Variants in SRSF4 observed in about 807,000 individuals in gnomAD.
SRSF4 encodes the protein serine and arginine rich splicing factor 4.
Under a neutral mutation model 48.8 loss-of-function variants are expected in SRSF4, and 12 were observed. The ratio of observed to expected loss-of-function variants is 0.25; its 90% CI spans 0.16 to 0.40. The LOEUF is 0.40. Ranked by LOEUF, SRSF4 falls within the 10% of genes least tolerant of loss-of-function variation. SRSF4 has a pLI of 1.00. For missense variants in SRSF4, 466 were observed against 667.1 expected, an observed-to-expected ratio of 0.70 and a Z score of 3.32; for synonymous variants, 248 against 232.5, an observed-to-expected ratio of 1.07 and a Z score of -0.61.
chr1:29,164,385 A>G (rs1319868138), intron 1 of SRSF4, among the ~76,000 whole-genome samples: 1 of 152,154 alleles, frequency 6.6e-6, no homozygotes, highest in Non-Finnish European at 1.5e-5. Context: ...CAAGCTTAAC[A>G]CTCCCTTTGT....
At chr1:29,150,808 G>A (rs1461741722) in intron 4 of SRSF4, among the ~76,000 whole-genome samples, 1 of 152,002 alleles carries the variant, frequency 6.6e-6, no homozygotes, top group Non-Finnish European at 1.5e-5. Context: ...TGACTCCCCC[G>A]TCTTTCCCCT....
At chr1:29,179,848 C>G (rs1672927250) in intron 1 of SRSF4, among the ~76,000 whole-genome samples, 1 of 152,166 alleles carries the variant, frequency 6.6e-6, no homozygotes, top group African/African-American at 2.4e-5. Flanking sequence ...CCTCCTCCCC[C>G]AATTCATTTA....
intron 1 of SRSF4, among the ~76,000 whole-genome samples, chr1:29,175,617 C>T (rs1424598069): frequency 2.9e-5 from 4 of 137,374 alleles, no homozygotes; most frequent in Admixed American, 1.6e-4. Flanking sequence ...ATGGCGTGAA[C>T]CCAGGAGGCG....
chr1:29,159,884 CT>C (rs1672566578), intron 2 of SRSF4: 1 of 181,454 alleles, frequency 5.5e-6, no homozygotes, highest in Non-Finnish European at 1.2e-5. Flanking sequence ...TTAATCTCAT[CT>C]GTGTCTAACC....
At chr1:29,178,302 TCTTCAAAGAC>T (rs1046037653) in intron 1 of SRSF4, among the ~76,000 whole-genome samples, 1 of 151,804 alleles carries the variant, frequency 6.6e-6, no homozygotes, top group Non-Finnish European at 1.5e-5. Flanking sequence ...CTCCAGCAAT[TCTTCAAAGAC>T]CTATCTAAAG....
chr1:29,168,377 CA>C (rs1360781198), intron 1 of SRSF4: 2 of 152,106 alleles, frequency 1.3e-5, no homozygotes, highest in African/African-American at 4.8e-5. Flanking sequence ...GTCCTGTGTA[CA>C]ATCTTTTTTC....
chr1:29,179,490 G>A (rs1379196602), intron 1 of SRSF4, among the ~76,000 whole-genome samples: 2 of 152,060 alleles, frequency 1.3e-5, no homozygotes, highest in Non-Finnish European at 2.9e-5. Context: ...CTCTGAAGTA[G>A]CTAGGACTAT....
At position 29,148,438 on chromosome 1, in the gene SRSF4, G is replaced by A. The variant is rs763190651; in HGVS notation, c.1457C>T (p.Ser486Phe). 3 of 1,607,484 alleles carry A rather than the reference G, an allele frequency of 1.9e-6. No individual in the cohort carries two copies. The East Asian group carries it at 6.7e-5, about 36-fold the overall frequency. Residue 486 changes from serine to phenylalanine, a missense_variant, in exon 6 of 6, where the codon TCT becomes TTT. Coordinates refer to ENST00000373795, the MANE Select transcript of SRSF4 (RefSeq NM_005626.5). ...GGACCTTGAGTGGGACCTAGATCTA[G>A]ATCGGGAGGGCGATCTGGAAGCAGA... Reference protein sequence around the residue: ...SRSASRSPSRSRSRSHSRS With the variant: ...SRSASRSPSRFRSRSHSRS
chr1:29,155,091 AG>A (rs1254962368), intron 3 of SRSF4, among the ~76,000 whole-genome samples, 181 bp from the exon 4 acceptor site: 6 of 152,218 alleles, frequency 3.9e-5, no homozygotes, highest in Non-Finnish European at 8.8e-5. Flanking sequence ...CAGCCATATT[AG>A]GTGGGTGGGA....
At position 29,148,158 on chromosome 1, in the gene SRSF4, G is replaced by A. The variant is rs774659102; in HGVS notation, c.*252C>T. The A allele has an allele frequency of 9.4e-6, 6 of 638,528 alleles. No homozygotes were observed. Among genetic ancestry groups the A allele is most frequent in the African/African-American group, 1.8e-5 (1 of 55,900 alleles). The allele number at this position is 638,528 out of a possible 1,614,324, so 39.6% of individuals were successfully genotyped here. ...AAAGGCCAGGCCTGAAAGCCAAGGCGTTTTGGATATTCTACTGTGGGCCAT... is the reference window on the plus strand; with the variant it reads ...AAAGGCCAGGCCTGAAAGCCAAGGCATTTTGGATATTCTACTGTGGGCCAT... On this transcript the variant is annotated 3_prime_UTR_variant, in exon 6 of 6. Coordinates refer to ENST00000373795, the MANE Select transcript of SRSF4 (RefSeq NM_005626.5).
intron 4 of SRSF4, among the ~76,000 whole-genome samples, chr1:29,151,372 C>T (rs67983122): frequency 0.024 from 3,600 of 152,294 alleles, 60 homozygotes; most frequent in Middle Eastern, 0.085. Context: ...TGGCTCACGC[C>T]TGTAATCCTA....
intron 1 of SRSF4, among the ~76,000 whole-genome samples, chr1:29,180,086 C>T (rs1435863930): frequency 6.6e-6 from 1 of 152,218 alleles, no homozygotes; most frequent in African/African-American, 2.4e-5. Context: ...CATTTATTAT[C>T]TCTAATCTTC....
intron 1 of SRSF4, among the ~76,000 whole-genome samples, chr1:29,173,708 C>G (rs901548728): frequency 1.3e-5 from 2 of 149,616 alleles, no homozygotes; most frequent in Non-Finnish European, 3.0e-5. Context: ...CTCAGCTTCC[C>G]AAAAGTGCTG....
chr1:29,176,123 G>A (rs1407369186), intron 1 of SRSF4, among the ~76,000 whole-genome samples: 3 of 151,974 alleles, frequency 2.0e-5, no homozygotes, highest in Non-Finnish European at 4.4e-5. Context: ...GTGGTGGCAC[G>A]CGCCTGTAGT....
At chr1:29,164,985 G>A (rs1672649429) in intron 1 of SRSF4, among the ~76,000 whole-genome samples, 1 of 152,112 alleles carries the variant, frequency 6.6e-6, no homozygotes, top group African/African-American at 2.4e-5. Flanking sequence ...AGAACATTTT[G>A]GATTTTGTTT....
intron 1 of SRSF4, among the ~76,000 whole-genome samples, chr1:29,162,440 A>AT (rs1672612904): frequency 6.6e-6 from 1 of 152,144 alleles, no homozygotes; most frequent in African/African-American, 2.4e-5. Flanking sequence ...TTCAGAGACA[A>AT]TTTTTCTTTT....
intron 1 of SRSF4, chr1:29,173,336 G>C (rs919330562): frequency 5.3e-5 from 8 of 151,252 alleles, no homozygotes; most frequent in African/African-American, 1.9e-4. Context: ...AGTAGAGATA[G>C]GGTTTCACCA....
At chr1:29,167,335 A>G (rs1483476800) in intron 1 of SRSF4, among the ~76,000 whole-genome samples, 1 of 152,182 alleles carries the variant, frequency 6.6e-6, no homozygotes, top group African/African-American at 2.4e-5. Context: ...GCCTATTCCA[A>G]TTATTTTAGG....
In SRSF4 at chr1:29,149,017, C is replaced by T. The variant is rs142348576; in HGVS notation, c.878G>A (p.Arg293Lys). ...VGKPKSRSPS[R>K]HKSKSKSRSR... ...CCGACTTTTGCTCTTACTTTTATGC[C>T]TGCTAGGACTCCGGCTCTTGGGTTT... Residue 293 changes from arginine (R) to lysine (K), a missense_variant, in exon 6 of 6, where the codon AGG (arginine) becomes AAG (lysine). By Grantham distance (26) the Arg-to-Lys change is conservative. This residue lies in a region of SRSF4 where 402 missense variants were observed against 437.0 expected (regional missense o/e 0.92). Coordinates refer to ENST00000373795, the MANE Select transcript of SRSF4 (RefSeq NM_005626.5). 3 of 1,613,852 alleles carry T rather than the reference C, an allele frequency of 1.9e-6. No individual in the cohort carries two copies. Among genetic ancestry groups the T allele is most frequent in the African/African-American group, 2.7e-5 (2 of 74,930 alleles).
Sources: gnomAD v4.1 joint callset for allele counts (sites outside exome capture counted in the v4.1 genomes callset) on GRCh38, gnomAD v4.1.1 for gene constraint, gnomAD v4.1.1 regional missense constraint, MANE v1.5 for transcripts, NCBI Gene and HGNC (gene_info 2026-07-23, HGNC 2026-07-21) for gene names.